Variants in SOX6 observed in about 807,000 individuals in gnomAD.
SOX6 encodes the protein transcription factor SOX-6.
In SOX6, 11 loss-of-function variants were observed where a neutral mutation model predicts 97.8. The ratio of observed to expected loss-of-function variants is 0.11; its 90% CI spans 0.07 to 0.19. The LOEUF (loss-of-function observed/expected upper bound fraction) is 0.19, where lower values mean the gene tolerates loss of function less well. SOX6 is among the 10% of genes least tolerant of loss of function. SOX6 has a pLI of 1.00. For synonymous variants in SOX6, 360 were observed against 371.4 expected, an observed-to-expected ratio of 0.97 and a Z score of 0.35; for missense variants, 810 against 1,039.5, an observed-to-expected ratio of 0.78 and a Z score of 3.04.
At position 16,287,174 on chromosome 11, in the gene SOX6, T is replaced by C. The variant is rs77997095; in HGVS notation, c.445+31272A>G. On this transcript the variant is annotated intron_variant, in intron 3 of 15. Coordinates refer to ENST00000683767, the MANE Select transcript of SOX6 (RefSeq NM_001367873.1). ...AGAGAAGAGCAATAGTTTATTTGAT[T>C]AGGTATTTGGGGGCAAAGAGATGCT... 8.6e-4 allele frequency among the ~76,000 whole-genome samples: 131 copies of C among 152,030 alleles called. 1 individual carries two copies. Among genetic ancestry groups the C allele is most frequent in the African/African-American group, 3.0e-3 (124 of 41,478 alleles).
chr11:16,721,369 T>C (rs1848259695), intron 2 of SOX6, among the ~76,000 whole-genome samples: 1 of 152,154 alleles, frequency 6.6e-6, no homozygotes, highest in Non-Finnish European at 1.5e-5. Context: ...TCATGGGACA[T>C]GGGGAACTTT....
At chr11:16,138,959 A>T (rs902214213) in intron 6 of SOX6, among the ~76,000 whole-genome samples, 1 of 152,142 alleles carries the variant, frequency 6.6e-6, no homozygotes, top group Non-Finnish European at 1.5e-5. Context: ...ATTTTTGGAC[A>T]TTTGGGTTGG....
At chr11:16,009,123 C>A (rs1448636401) in intron 13 of SOX6, among the ~76,000 whole-genome samples, 2 of 151,982 alleles carry the variant, frequency 1.3e-5, no homozygotes, top group Admixed American at 1.3e-4. Flanking sequence ...TGTATAATTT[C>A]TCATCTTTTA....
intron 12 of SOX6, 69 bp from the exon 13 acceptor site, chr11:16,015,119 T>C: frequency 3.7e-6 from 5 of 1,334,400 alleles, no homozygotes; most frequent in East Asian, 2.3e-5. Context: ...CCAGTTTCTA[T>C]CTTGCTTAAT....
At chr11:16,255,731 C>T (rs1853661811) in intron 3 of SOX6, among the ~76,000 whole-genome samples, 1 of 151,122 alleles carries the variant, frequency 6.6e-6, no homozygotes, top group Non-Finnish European at 1.5e-5. Context: ...GAAAACTAGA[C>T]CTGAAGTCAA....
intron 3 of SOX6, among the ~76,000 whole-genome samples, chr11:16,307,615 G>T (rs763230206): frequency 6.6e-6 from 1 of 152,146 alleles, no homozygotes; most frequent in Non-Finnish European, 1.5e-5. Flanking sequence ...GCTAGTAAAG[G>T]CATTCTGGAG....
At chr11:15,993,826 G>A (rs978170389) in intron 13 of SOX6, among the ~76,000 whole-genome samples, 2 of 152,118 alleles carry the variant, frequency 1.3e-5, no homozygotes, top group East Asian at 1.9e-4. Flanking sequence ...TTTTCCAGGT[G>A]GGTTGGAAAG....
At chr11:16,537,284 C>T (rs553421577) in intron 4 of SOX6, among the ~76,000 whole-genome samples, 2 of 152,212 alleles carry the variant, frequency 1.3e-5, no homozygotes, top group African/African-American at 2.4e-5. Flanking sequence ...TCAACATCAA[C>T]AAAAGGACAT....
intron 4 of SOX6, among the ~76,000 whole-genome samples, chr11:16,516,467 T>G (rs1345848478): frequency 6.6e-6 from 1 of 151,946 alleles, no homozygotes; most frequent in Non-Finnish European, 1.5e-5. Context: ...ATGAATCAAA[T>G]AGACGCAATA....
chr11:16,110,401 TA>T (rs538991410), intron 7 of SOX6: 740 of 137,032 alleles, frequency 5.4e-3, no homozygotes, highest in Non-Finnish European at 5.4e-3. Flanking sequence ...ACCACTTCAC[TA>T]AAAAAAAAAA....
intron 15 of SOX6, 48 bp from the exon 16 acceptor site, chr11:15,973,160 T>G: frequency 1.3e-6 from 2 of 1,579,014 alleles, no homozygotes; most frequent in Non-Finnish European, 1.7e-6. Context: ...AATATCTATA[T>G]ATGTGCTATG....
Position 15,988,942 on chromosome 11 carries a change from C to T in SOX6, c.1966+55G>A, listed in dbSNP as rs1853954421. Reference sequence around the variant, plus strand: ...ATCCCCTTGCTTCCCACCCTGGTGGCACTCATGGGATTTGCAGGGGAGAAG... The same window carrying T: ...ATCCCCTTGCTTCCCACCCTGGTGGTACTCATGGGATTTGCAGGGGAGAAG... On this transcript the variant is annotated intron_variant, in intron 14 of 15. Coordinates refer to ENST00000683767, the MANE Select transcript of SOX6 (RefSeq NM_001367873.1). 2.0e-6 allele frequency: 3 copies of T among 1,513,216 alleles called. No homozygotes were observed. In the South Asian group the frequency reaches 3.4e-5, roughly 17 times the overall value. The allele number at this position is 1,513,216 out of a possible 1,614,324, so 93.7% of individuals were successfully genotyped here. A position where few individuals can be genotyped will look rare whatever the true frequency, so the allele number is the denominator to read the frequency against.
chr11:16,235,962 T>C (rs1325403935), intron 3 of SOX6, among the ~76,000 whole-genome samples: 1 of 152,104 alleles, frequency 6.6e-6, no homozygotes, highest in African/African-American at 2.4e-5. Context: ...CAGTGTGTTG[T>C]AAAAACGGCT....
At chr11:16,148,857 GA>G (rs923747918) in intron 6 of SOX6, among the ~76,000 whole-genome samples, 4 of 150,080 alleles carry the variant, frequency 2.7e-5, no homozygotes, top group East Asian at 2.0e-4. Context: ...ACATTAAGAA[GA>G]AAAAAAAAGA....
chr11:16,605,507 G>C lies in SOX6; in HGVS notation n.609+6574C>G, dbSNP rs1848324352. On this transcript the variant is annotated intron_variant and non_coding_transcript_variant, in intron 4 of 5. Transcript: ENST00000524520. The surrounding 1 kb of genome is among the most constrained non-coding windows in gnomAD (Gnocchi z 5.3). Reference sequence around the variant, plus strand: ...GAAGGAAGGGCGACAAGCGGAGGGAGCTGGAGGCAACTCGAGCGGTGTCCC... The same window carrying C: ...GAAGGAAGGGCGACAAGCGGAGGGACCTGGAGGCAACTCGAGCGGTGTCCC... 6.6e-6 allele frequency among the ~76,000 whole-genome samples: 1 copy of C among 152,194 alleles called. No individual in the cohort carries two copies. The highest frequency in any genetic ancestry group is 2.1e-4 in the South Asian group (1 of 4,828).
intron 1 of SOX6, among the ~76,000 whole-genome samples, chr11:16,455,969 CT>C (rs1433615980): frequency 7.2e-5 from 11 of 151,902 alleles, no homozygotes; most frequent in Non-Finnish European, 1.2e-4. Context: ...TTCACCTGAA[CT>C]TTTTAATGAA....
intron 3 of SOX6, among the ~76,000 whole-genome samples, chr11:16,275,759 G>C (rs745553512): frequency 5.3e-5 from 8 of 152,072 alleles, no homozygotes; most frequent in Non-Finnish European, 7.4e-5. Context: ...TGTTTTCTTG[G>C]AAAACTTATC....
chr11:16,592,518 A>G (rs1848165542), intron 4 of SOX6, among the ~76,000 whole-genome samples: 1 of 151,954 alleles, frequency 6.6e-6, no homozygotes, highest in African/African-American at 2.4e-5. Context: ...ACTTAAATAC[A>G]TATATTAAAT....
chr11:16,733,433 T>C (rs1224436867), intron 2 of SOX6, among the ~76,000 whole-genome samples: 1 of 152,062 alleles, frequency 6.6e-6, no homozygotes, highest in Non-Finnish European at 1.5e-5. Flanking sequence ...TGCAGGGACA[T>C]GGATAAAGCT....
Sources: allele counts gnomAD v4.1 joint callset (sites outside exome capture counted in the v4.1 genomes callset), GRCh38; gene constraint gnomAD v4.1.1; non-coding constraint Gnocchi (gnomAD v3.1); transcripts MANE v1.5; gene names NCBI Gene and HGNC (gene_info 2026-07-23, HGNC 2026-07-21).